The following AP2B1 variants were observed in gnomAD, a reference collection of about 807,000 sequenced individuals.
AP2B1 encodes the protein adaptor related protein complex 2 subunit beta 1.
In AP2B1, 23 loss-of-function variants were observed where a neutral mutation model predicts 102.0. The observed-to-expected ratio is 0.23, with a 90% CI of 0.16 to 0.32. The LOEUF (loss-of-function observed/expected upper bound fraction) is 0.32. Among genes scored for constraint, AP2B1 ranks in the 10% least tolerant of loss-of-function variants. The pLI is 1.00. For missense variants in AP2B1, 541 were observed against 1,157.4 expected, an observed-to-expected ratio of 0.47 and a Z score of 7.73; for synonymous variants, 381 against 421.2, an observed-to-expected ratio of 0.90 and a Z score of 1.17.
At position 35,614,888 on chromosome 17, in the gene AP2B1, G is replaced by GC. The variant is rs548514056; in HGVS notation, c.525+6501_525+6502insC. ...TTGACTATGTGCTAGCCAGCACGTAGACACAGCATGGGATTATGATGGTGG... is the reference window on the plus strand; with the variant it reads ...TTGACTATGTGCTAGCCAGCACGTAGCACACAGCATGGGATTATGATGGTGG... On this transcript the variant is annotated intron_variant, in intron 5 of 21. Transcript: ENST00000610402. 2.2e-3 allele frequency among the ~76,000 whole-genome samples: 333 copies of GC among 152,254 alleles called. 3 individuals carry two copies. The highest frequency in any genetic ancestry group is 3.4e-3 in the Non-Finnish European group (229 of 68,024).
intron 5 of AP2B1, among the ~76,000 whole-genome samples, chr17:35,619,415 G>A (rs1415328572): frequency 6.6e-6 from 1 of 152,098 alleles, no homozygotes; most frequent in Non-Finnish European, 1.5e-5. Flanking sequence ...GGCCAAGGCA[G>A]GAAGATTGCC....
intron 17 of AP2B1, among the ~76,000 whole-genome samples, chr17:35,678,349 T>C (rs2075746446): frequency 6.6e-6 from 1 of 152,190 alleles, no homozygotes; most frequent in African/African-American, 2.4e-5. Flanking sequence ...GACAGTTTTA[T>C]CTTTTCCTAT....
At chr17:35,621,406 CTG>C (rs1194887176) in intron 5 of AP2B1, 3 of 893,610 alleles carry the variant, frequency 3.4e-6, no homozygotes, top group South Asian at 5.1e-5. Context: ...AACAGTCTGA[CTG>C]TGGAGATTAG....
chr17:35,718,771 T>A (rs2085264481), intron 21 of AP2B1, among the ~76,000 whole-genome samples: 1 of 151,910 alleles, frequency 6.6e-6, no homozygotes, highest in Non-Finnish European at 1.5e-5. Flanking sequence ...TGTGTGGTTT[T>A]TTTTTTTTCC....
At chr17:35,594,110 G>A in intron 2 of AP2B1, 43 bp downstream of exon 2, 1 of 1,438,560 alleles carries the variant, frequency 7.0e-7, no homozygotes, top group Non-Finnish European at 9.6e-7. Flanking sequence ...ATTTTCAAAA[G>A]TTGTAGTGTA....
intron 9 of AP2B1, 24 bp from the exon 10 acceptor site, chr17:35,636,317 C>T: frequency 6.4e-7 from 1 of 1,570,302 alleles, no homozygotes; most frequent in Admixed American, 1.7e-5. Context: ...TCTGACTTCT[C>T]ATTTTTTGTA....
intron 12 of AP2B1, 90 bp from the exon 13 acceptor site, chr17:35,650,440 A>T: frequency 2.7e-6 from 4 of 1,473,774 alleles, no homozygotes; most frequent in Admixed American, 1.9e-5. Flanking sequence ...ATAAATCACT[A>T]CAACATTGGT....
At chr17:35,661,892 A>G (rs1438155452) in intron 14 of AP2B1, among the ~76,000 whole-genome samples, 2 of 152,220 alleles carry the variant, frequency 1.3e-5, no homozygotes, top group Admixed American at 1.3e-4. Context: ...AGGTTGGAGC[A>G]AAAGTAATTG....
Position 35,636,456 on chromosome 17 carries a change from A to G in AP2B1, c.1271A>G (p.Lys424Arg), listed in dbSNP as rs769169713. ...IRDIFRKYPN[K>R]YESIIATLCE... is the part of the protein sequence containing the mutation. The stretch of plus-strand genomic sequence containing the variant: ...GACATCTTCCGCAAATACCCCAACA[A>G]GTATGTCCAAATACCTTTACCCCTC... The change falls in exon 10 of 22, where the codon AAG becomes AGG. Residue 424 changes from lysine to arginine, a missense_variant and splice_region_variant. Physicochemically the swap from Lys to Arg is conservative, Grantham distance 26. This residue lies in a region of AP2B1 where 106 missense variants were observed against 296.4 expected (regional missense o/e 0.36). Transcript: ENST00000610402. The G allele has an allele frequency of 1.2e-6, 2 of 1,608,522 alleles. No homozygotes were observed. Among genetic ancestry groups the G allele is most frequent in the South Asian group, 1.1e-5 (1 of 90,966 alleles).
At chr17:35,666,283 T>A (rs1312547211) in intron 14 of AP2B1, among the ~76,000 whole-genome samples, 1 of 152,224 alleles carries the variant, frequency 6.6e-6, no homozygotes, top group Admixed American at 6.5e-5. Context: ...TGACACATTA[T>A]TGTGTAGTTT....
chr17:35,709,342 C>A (rs782447054), intron 19 of AP2B1, 34 bp downstream of exon 19: 3 of 1,565,886 alleles, frequency 1.9e-6, no homozygotes, highest in Non-Finnish European at 2.6e-6. Context: ...GCTGAATATA[C>A]CTTTGCCCTT....
rs138023855 is a variant in AP2B1 at position 35,725,034 on chromosome 17, C to T, written c.*1335C>T. The T allele has an allele frequency of 3.3e-5, 5 of 152,286 alleles. No individual in the cohort carries two copies. The East Asian group carries it at 9.7e-4, about 29-fold the overall frequency. 9.4% of individuals were successfully genotyped at this position (152,286 alleles called of 1,614,324 possible). On this transcript the variant is annotated 3_prime_UTR_variant, in exon 22 of 22. Transcript: ENST00000610402. ...TAGAGATGTTGCAAATGCTCTTTAT[C>T]CCTTCAGCTCTCTGATCTGCTCTTT...
rs2143008458 is a variant in AP2B1, at chr17:35,711,248, G to A, written c.2626+928G>A. Reference sequence around the variant, plus strand: ...AGGCTTTGTGAGTTTGAATGAAAGTGAGCCTTGGTGCTTGGTCGGTACCTC... The same window carrying A: ...AGGCTTTGTGAGTTTGAATGAAAGTAAGCCTTGGTGCTTGGTCGGTACCTC... On this transcript the variant is annotated intron_variant, in intron 20 of 21. Coordinates refer to ENST00000610402, the MANE Select transcript of AP2B1 (RefSeq NM_001030006.2). Among the ~76,000 whole-genome samples, 2 of 152,084 alleles carry A rather than the reference G, an allele frequency of 1.3e-5. 1 individual carries two copies. Among genetic ancestry groups the A allele is most frequent in the East Asian group, 3.9e-4 (2 of 5,164 alleles).
intron 1 of AP2B1, chr17:35,588,717 C>T (rs564424420): frequency 1.3e-5 from 2 of 152,318 alleles, no homozygotes; most frequent in East Asian, 3.9e-4. Context: ...CCAGTGATGA[C>T]TAAGCGTGCT....
chr17:35,618,208 A>G (rs1238835209), intron 5 of AP2B1, among the ~76,000 whole-genome samples: 1 of 152,202 alleles, frequency 6.6e-6, no homozygotes, highest in Non-Finnish European at 1.5e-5. Flanking sequence ...CTCCTTAAGG[A>G]GATAATAATG....
intron 13 of AP2B1, among the ~76,000 whole-genome samples, chr17:35,651,590 G>A (rs1208401438): frequency 6.6e-6 from 1 of 151,954 alleles, no homozygotes; most frequent in Non-Finnish European, 1.5e-5. Flanking sequence ...TTGTACCATT[G>A]TCTAATATAT....
Position 35,589,419 on chromosome 17 carries a change from C to A in AP2B1, c.-24+1991C>A, listed in dbSNP as rs540125109. ...AAACTAATTTAGCTTCCCAGAGAGC[C>A]ATTTGAATTAAGACCCTATTAATTT... is the stretch of plus-strand genomic sequence containing the variant. On this transcript the variant is annotated intron_variant, in intron 1 of 21. Transcript: ENST00000610402. Among the ~76,000 whole-genome samples the A allele has an allele frequency of 7.9e-5, 12 of 152,250 alleles. No individual in the cohort carries two copies. The South Asian group carries it at 2.5e-3, about 32-fold the overall frequency.
intron 18 of AP2B1, among the ~76,000 whole-genome samples, chr17:35,683,267 CGA>C (rs1325716689): frequency 2.0e-5 from 3 of 152,096 alleles, no homozygotes; most frequent in Non-Finnish European, 4.4e-5. Context: ...TCTTTGTGGA[CGA>C]GAGTTTTATG....
At chr17:35,660,489 T>A (rs1012777694) in intron 14 of AP2B1, among the ~76,000 whole-genome samples, 100 of 150,686 alleles carry the variant, frequency 6.6e-4, no homozygotes, top group African/African-American at 2.2e-3. Context: ...CTCTTTTTTT[T>A]TTTTTTTTTT....
Sources: gnomAD v4.1 joint callset for allele counts (sites outside exome capture counted in the v4.1 genomes callset) on GRCh38, gnomAD v4.1.1 for gene constraint, gnomAD v4.1.1 regional missense constraint, MANE v1.5 for transcripts, NCBI Gene and HGNC (gene_info 2026-07-23, HGNC 2026-07-21) for gene names.